The following SMS variants were observed in gnomAD, a reference collection of about 807,000 sequenced individuals.
SMS encodes the protein spermine synthase.
Under a neutral mutation model 33.0 loss-of-function variants are expected in SMS, and 3 were observed. That is an observed-to-expected ratio of 0.09 (90% CI 0.04 to 0.23). The LOEUF (loss-of-function observed/expected upper bound fraction) is 0.23, where lower values mean the gene tolerates loss of function less well. Among genes scored for constraint, SMS ranks in the 10% least tolerant of loss-of-function variants. The pLI, the probability that SMS is intolerant of heterozygous loss-of-function variation, is 1.00. For synonymous variants in SMS, 103 were observed against 112.2 expected, an observed-to-expected ratio of 0.92 and a Z score of 0.52; for missense variants, 117 against 288.6, an observed-to-expected ratio of 0.41 and a Z score of 4.31.
intron 1 of SMS, among the ~76,000 whole-genome samples, chrX:21,960,520 T>A (rs1923269600): frequency 9.0e-6 from 1 of 111,609 alleles, no homozygotes; most frequent in Non-Finnish European, 1.9e-5. Flanking sequence ...ATGAAAACAT[T>A]TTATTCATTT....
At chrX:21,963,731 T>C (rs1219382170) in intron 1 of SMS, among the ~76,000 whole-genome samples, 2 of 112,034 alleles carry the variant, frequency 1.8e-5, no homozygotes, top group Non-Finnish European at 3.8e-5. Flanking sequence ...CCTCGTTCAC[T>C]GCACAGCCTG....
intron 2 of SMS, among the ~76,000 whole-genome samples, chrX:21,971,187 G>A (rs1328363135): frequency 9.2e-6 from 1 of 108,190 alleles, no homozygotes; most frequent in African/African-American, 3.4e-5. Context: ...GACAGAGTGC[G>A]ACTCCATCTC....
At chrX:21,959,021 G>A (rs1458676406) in intron 1 of SMS, among the ~76,000 whole-genome samples, 3 of 112,613 alleles carry the variant, frequency 2.7e-5, no homozygotes, top group Non-Finnish European at 3.8e-5. Flanking sequence ...AGTTTGGGTC[G>A]TTTCTACTTT....
At chrX:21,946,244 G>A (rs1194338074) in intron 1 of SMS, among the ~76,000 whole-genome samples, 1 of 112,541 alleles carries the variant, frequency 8.9e-6, no homozygotes, top group South Asian at 3.7e-4. Flanking sequence ...GCTGGGGAGG[G>A]GGAGGACTGA....
Position 21,973,422 on chromosome X carries a change from G to C in SMS, c.329+851G>C, listed in dbSNP as rs555821903. 9.7e-5 allele frequency among the ~76,000 whole-genome samples: 11 copies of C among 112,863 alleles called. No individual in the cohort carries two copies. The South Asian group carries it at 3.6e-3, about 37-fold the overall frequency. On this transcript the variant is annotated intron_variant, in intron 4 of 10. Coordinates refer to ENST00000404933, the MANE Select transcript of SMS (RefSeq NM_004595.5). Reference sequence around the variant, plus strand: ...ACTGCGCTCCATCCTGGGCAACAGAGTGAAACTCGCCTCAAAACAAAACAA... The same window carrying C: ...ACTGCGCTCCATCCTGGGCAACAGACTGAAACTCGCCTCAAAACAAAACAA...
In SMS at chrX:21,944,418, C is replaced by T. The variant is rs780653644; in HGVS notation, c.49+3545C>T. On this transcript the variant is annotated intron_variant, in intron 1 of 10. Transcript: ENST00000404933. Reference sequence around the variant, plus strand: ...GTATCCAGAGAGTGAGTGAGAGGCCCGGCGCGATGCCGCATGCCTGTAATT... The same window carrying T: ...GTATCCAGAGAGTGAGTGAGAGGCCTGGCGCGATGCCGCATGCCTGTAATT... 1.2e-4 allele frequency among the ~76,000 whole-genome samples: 13 copies of T among 106,128 alleles called. No individual in the cohort carries two copies. The East Asian group carries it at 1.8e-3, about 15-fold the overall frequency. 92.2% of individuals were successfully genotyped at this position (106,128 alleles called of 115,157 possible). A position where few individuals can be genotyped will look rare whatever the true frequency, so the allele number is the denominator to read the frequency against.
At chrX:21,949,165 A>C (rs1219344564) in intron 1 of SMS, among the ~76,000 whole-genome samples, 1 of 111,996 alleles carries the variant, frequency 8.9e-6, no homozygotes, top group African/African-American at 3.3e-5. Context: ...GGTAAGAGCC[A>C]GTAGCATGTT....
intron 9 of SMS, among the ~76,000 whole-genome samples, chrX:21,991,796 C>T (rs1925776282): frequency 8.9e-6 from 1 of 112,176 alleles, no homozygotes; most frequent in African/African-American, 3.2e-5. Flanking sequence ...TCTTGATTAT[C>T]TTCACCTTTT....
chrX:21,975,138 CTGAATT>C (rs1924453036), intron 4 of SMS, among the ~76,000 whole-genome samples: 1 of 111,085 alleles, frequency 9.0e-6, no homozygotes, highest in African/African-American at 3.3e-5. Context: ...TATAATCTAC[CTGAATT>C]GGTGTAGTCC....
In SMS at chrX:21,944,522, C is replaced by CAAAAAAAA. The variant is rs777680386; in HGVS notation, c.49+3665_49+3672dup. Among the ~76,000 whole-genome samples the CAAAAAAAA allele has an allele frequency of 8.1e-4, 28 of 34,695 alleles. 1 individual carries two copies. The highest frequency in any genetic ancestry group is 1.0e-3 in the East Asian group (1 of 955). The allele number at this position is 34,695 out of a possible 115,157, so 30.1% of individuals were successfully genotyped here. ...GCAACATGGGAAAAACCTGTCTCTA[C>CAAAAAAAA]AAAAAAAAAAAAAAAAAAAAAAAGA... On this transcript the variant is annotated intron_variant, in intron 1 of 10. Transcript: ENST00000404933.
chrX:21,987,087 C>T (rs1466430541), intron 9 of SMS, among the ~76,000 whole-genome samples: 1 of 108,282 alleles, frequency 9.2e-6, no homozygotes, highest in Non-Finnish European at 1.9e-5. Flanking sequence ...CCTCCACCTC[C>T]TGGGTTCAAG....
intron 9 of SMS, among the ~76,000 whole-genome samples, chrX:21,985,698 C>T (rs995575634): frequency 2.7e-5 from 3 of 111,838 alleles, no homozygotes; most frequent in African/African-American, 9.8e-5. Flanking sequence ...ATAATCCAGT[C>T]TCTTGGTACA....
chrX:21,966,535 G>C (rs1396080551), intron 1 of SMS, among the ~76,000 whole-genome samples: 1 of 111,456 alleles, frequency 9.0e-6, no homozygotes, highest in African/African-American at 3.3e-5. Flanking sequence ...ATGGGAGACA[G>C]GAGGATTGGC....
intron 3 of SMS, 85 bp downstream of exon 3, chrX:21,972,075 C>A: frequency 1.6e-6 from 1 of 645,149 alleles, no homozygotes; most frequent in Non-Finnish European, 2.6e-6. Context: ...CTCTTCATTG[C>A]TTACTTTCCA....
intron 4 of SMS, 95 bp from the exon 5 acceptor site, chrX:21,976,966 C>A: frequency 3.6e-6 from 3 of 842,738 alleles, no homozygotes; most frequent in Non-Finnish European, 5.4e-6. Context: ...CAAAAGTCGG[C>A]AGTCATGTGG....
chrX:21,974,314 C>T (rs896743688), intron 4 of SMS, among the ~76,000 whole-genome samples: 4 of 112,153 alleles, frequency 3.6e-5, no homozygotes, highest in Non-Finnish European at 7.5e-5. Context: ...GAAAAGAAGA[C>T]GCCACAGTAT....
intron 4 of SMS, among the ~76,000 whole-genome samples, chrX:21,973,330 A>T (rs918971946): frequency 8.9e-6 from 1 of 112,300 alleles, no homozygotes; most frequent in Non-Finnish European, 1.9e-5. Context: ...CCAGCTTCTC[A>T]GGAGGCTGAG....
chrX:21,974,856 CTT>C (rs11347193), intron 4 of SMS, among the ~76,000 whole-genome samples: 7,104 of 83,203 alleles, frequency 0.085, 256 homozygotes, highest in Middle Eastern at 0.12. Flanking sequence ...GATTGCTATC[CTT>C]TTTTTTTTTT....
intron 7 of SMS, among the ~76,000 whole-genome samples, chrX:21,983,705 T>C (rs188848566): frequency 1.7e-3 from 194 of 111,156 alleles, no homozygotes; most frequent in Middle Eastern, 4.7e-3. Flanking sequence ...CCATAAACAA[T>C]GAAGTCATTC....
Sources: gnomAD v4.1 joint callset for allele counts (sites outside exome capture counted in the v4.1 genomes callset) on GRCh38, gnomAD v4.1.1 for gene constraint, MANE v1.5 for transcripts, NCBI Gene and HGNC (gene_info 2026-07-23, HGNC 2026-07-21) for gene names.